Variants in FGFRL1 observed in about 807,000 individuals in gnomAD.
FGFRL1 encodes fibroblast growth factor receptor like 1.
Under a neutral mutation model 36.8 loss-of-function variants are expected in FGFRL1, and 24 were observed. The observed-to-expected ratio is 0.65, with a 90% CI of 0.47 to 0.92. The LOEUF is 0.92. Among genes scored for constraint, FGFRL1 ranks in the 40% least tolerant of loss-of-function variants. The pLI, the probability that FGFRL1 is intolerant of heterozygous loss-of-function variation, is 0.00. For missense variants in FGFRL1, 785 were observed against 753.4 expected (o/e 1.04, Z -0.49); for synonymous variants, 422 against 344.1 (o/e 1.23, Z -2.50).
At position 1,025,863 on chromosome 4, in the gene FGFRL1, C is replaced by G. The variant is rs1468234896; in HGVS notation, c.*516C>G. On this transcript the variant is annotated 3_prime_UTR_variant, in exon 7 of 7. Coordinates refer to ENST00000510644, the MANE Select transcript of FGFRL1 (RefSeq NM_001004356.3). ...TGACACACACATGCACGGATATTGC[C>G]TGGACACACACACACACACGTGTGC... 1 of 174,768 alleles carries G rather than the reference C, an allele frequency of 5.7e-6. No homozygotes were observed. Among genetic ancestry groups the G allele is most frequent in the African/African-American group, 2.5e-5 (1 of 40,808 alleles). The allele number at this position is 174,768 out of a possible 1,614,324, so 10.8% of individuals were successfully genotyped here. A position where few individuals can be genotyped will look rare whatever the true frequency, so the allele number is the denominator to read the frequency against.
chr4:1,018,572 G>A (rs545551797), intron 2 of FGFRL1, among the ~76,000 whole-genome samples: 34 of 152,324 alleles, frequency 2.2e-4, no homozygotes, highest in African/African-American at 7.2e-4. Context: ...TGGAGGAGGA[G>A]GCTGGGGGGT....
In FGFRL1 at chr4:1,024,158, CGGGCGGGGGTGCTGGT is replaced by C. The variant is rs1256666580; in HGVS notation, c.718+67_718+82del. 26 of 311,250 alleles carry C rather than the reference CGGGCGGGGGTGCTGGT, an allele frequency of 8.4e-5. 1 individual carries two copies. In the Middle Eastern group the frequency reaches 3.3e-3, roughly 39 times the overall value. 19.3% of individuals were successfully genotyped at this position (311,250 alleles called of 1,614,324 possible). On this transcript the variant is annotated intron_variant, in intron 5 of 6. Transcript: ENST00000510644. Reference sequence around the variant, plus strand: ...GGGTGCTGGTGGGCGGGGGCGCTGGCGGGCGGGGGTGCTGGTGGGCGGGGGCGCTGGTGGGCGGGGG... The same window carrying C: ...GGGTGCTGGTGGGCGGGGGCGCTGGCGGGCGGGGGCGCTGGTGGGCGGGGG...
chr4:1,022,595 T>G (rs865793797), intron 3 of FGFRL1, 120 bp downstream of exon 3: 3 of 1,293,082 alleles, frequency 2.3e-6, no homozygotes, highest in African/African-American at 3.0e-5. Context: ...CAGAAAGCCT[T>G]CCTTCGGTGC....
chr4:1,023,934 G>T lies in FGFRL1; in HGVS notation c.551G>T (p.Trp184Leu). 6.3e-7 allele frequency: 1 copy of T among 1,587,082 alleles called. No homozygotes were observed. ...ASGHPRPDIT[W>L]MKDDQALTRP... ...GGGCACCCTCGGCCCGACATCACGT[G>T]GATGAAGGACGACCAGGCCTTGACG... Residue 184 changes from tryptophan to leucine, a missense_variant, in exon 5 of 7, where the codon TGG becomes TTG. Physicochemically the swap from Trp to Leu is moderately conservative, Grantham distance 61. Coordinates refer to ENST00000510644, the MANE Select transcript of FGFRL1 (RefSeq NM_001004356.3). The surrounding 1 kb of genome is among the most constrained non-coding windows in gnomAD (Gnocchi z 6.0).
rs1423189940 is a variant in FGFRL1 at position 1,026,756 on chromosome 4, C to T, written c.*1409C>T. On this transcript the variant is annotated 3_prime_UTR_variant, in exon 7 of 7. Transcript: ENST00000510644. ...CCTGGTCTTTCAGCCATGCTGATGA[C>T]CACACCCCGTCCAGGCCAGACACCA... 3 of 440,236 alleles carry T rather than the reference C, an allele frequency of 6.8e-6. No individual in the cohort carries two copies. Among genetic ancestry groups the T allele is most frequent in the South Asian group, 4.9e-5 (3 of 61,684 alleles). The allele number at this position is 440,236 out of a possible 1,614,324, so 27.3% of individuals were successfully genotyped here. A position where few individuals can be genotyped will look rare whatever the true frequency, so the allele number is the denominator to read the frequency against.
intron 2 of FGFRL1, among the ~76,000 whole-genome samples, chr4:1,020,368 G>C (rs1716106006): frequency 1.3e-5 from 2 of 152,070 alleles, no homozygotes; most frequent in Non-Finnish European, 2.9e-5. Flanking sequence ...AGAGCAGTGA[G>C]TGGGCTGTGG....
At position 1,025,128 on chromosome 4, in the gene FGFRL1, T is replaced by G; in HGVS notation, c.1296T>G (p.Leu432=). 1 of 1,611,384 alleles carries G rather than the reference T, an allele frequency of 6.2e-7. No homozygotes were observed. ...TARDRSGDKD[L]PSLAALSAGP... ...GCGACCGCAGCGGAGACAAGGACCT[T>G]CCCTCGTTGGCCGCCCTCAGCGCTG... Residue 432 remains leucine (L), a synonymous_variant, in exon 7 of 7, where the codon CTT becomes CTG. Transcript: ENST00000510644.
intron 5 of FGFRL1, 51 bp from the exon 6 acceptor site, chr4:1,024,260 G>T (rs771912282): frequency 1.3e-6 from 2 of 1,531,700 alleles, no homozygotes; most frequent in East Asian, 2.3e-5. Flanking sequence ...TGCTGGCGGG[G>T]TAGAGTCCGG....
chr4:1,013,280 C>T (rs968802235), intron 2 of FGFRL1, among the ~76,000 whole-genome samples: 4 of 152,266 alleles, frequency 2.6e-5, no homozygotes, highest in South Asian at 2.1e-4. Context: ...TGCCCGCAGA[C>T]TCATGCCCGC....
chr4:1,022,496 G>T, intron 3 of FGFRL1, 21 bp downstream of exon 3: 1 of 1,571,024 alleles, frequency 6.4e-7, no homozygotes. Flanking sequence ...GCTGCGGTCA[G>T]AGGTCATGGG....
chr4:1,023,707 C>T lies in FGFRL1; in HGVS notation c.419C>T (p.Ala140Val). ...TCCTCTGGGGGTCAAGAGGACCCCG[C>T]CAGCCAGCAGTGGGGTGAGCAGGGG... ...DSSSGGQEDP[A>V]SQQWARPRFT... Residue 140 changes from alanine to valine, a missense_variant, in exon 4 of 7, where the codon GCC (alanine) becomes GTC (valine). Coordinates refer to ENST00000510644, the MANE Select transcript of FGFRL1 (RefSeq NM_001004356.3). This position sits in a 1 kb window ranked among gnomAD's most constrained non-coding sequence, Gnocchi z 6.0. The T allele has an allele frequency of 1.3e-6, 2 of 1,588,994 alleles. No individual in the cohort carries two copies. Among genetic ancestry groups the T allele is most frequent in the Non-Finnish European group, 1.7e-6 (2 of 1,169,848 alleles).
At chr4:1,022,169 C>T (rs1290801562) in intron 2 of FGFRL1, 34 bp from the exon 3 acceptor site, 4 of 1,482,264 alleles carry the variant, frequency 2.7e-6, no homozygotes, top group Non-Finnish European at 3.6e-6. Context: ...CCCCAAGCCC[C>T]TCCTCGCTGA....
At chr4:1,017,241 C>T (rs558242484) in intron 2 of FGFRL1, among the ~76,000 whole-genome samples, 123 of 152,062 alleles carry the variant, frequency 8.1e-4, no homozygotes, top group African/African-American at 2.9e-3. Context: ...CCATGCAGGG[C>T]CCCCCAGTTC....
intron 2 of FGFRL1, among the ~76,000 whole-genome samples, chr4:1,020,940 T>A (rs865911526): frequency 1.1e-4 from 1 of 9,148 alleles, no homozygotes; most frequent in African/African-American, 5.4e-4. Context: ...AGGCAGGGGA[T>A]GGGGCGGGGT....
intron 5 of FGFRL1, 103 bp downstream of exon 5, chr4:1,024,204 G>A: frequency 7.9e-7 from 1 of 1,257,946 alleles, no homozygotes; most frequent in Non-Finnish European, 1.0e-6. Context: ...CGGGGGCACT[G>A]GCAGGGCTTG....
chr4:1,022,578 C>T (rs377373675), intron 3 of FGFRL1, 103 bp downstream of exon 3: 38 of 1,406,812 alleles, frequency 2.7e-5, no homozygotes, highest in Admixed American at 1.8e-4. Flanking sequence ...AGTCAGCCAG[C>T]CCCCGGCAGA....
Position 1,025,610 on chromosome 4 carries a change from G to T in FGFRL1, c.*263G>T. 1.8e-6 allele frequency: 1 copy of T among 557,802 alleles called. No homozygotes were observed. The allele number at this position is 557,802 out of a possible 1,614,324, so 34.6% of individuals were successfully genotyped here. A position where few individuals can be genotyped will look rare whatever the true frequency, so the allele number is the denominator to read the frequency against. ...ACACACGCACATGCACAGATATGCC[G>T]CCTGGGCACACAGATAAGCTGCCCA... is the stretch of plus-strand genomic sequence containing the variant. On this transcript the variant is annotated 3_prime_UTR_variant, in exon 7 of 7. Transcript: ENST00000510644.
rs753416769 is a variant in FGFRL1 at position 1,022,300 on chromosome 4, G to A, written c.177G>A (p.Pro59=). ...GCCCAGTGGAGGGGGACCCGCCGCC[G>A]CTGACCATGTGGACCAAGGATGGCC... ...LQCPVEGDPP[P]LTMWTKDGRT... is the part of the protein sequence containing the mutation. Residue 59 remains proline, a synonymous_variant, in exon 3 of 7, where the codon CCG becomes CCA. Coordinates refer to ENST00000510644, the MANE Select transcript of FGFRL1 (RefSeq NM_001004356.3). 10 of 1,594,150 alleles carry A rather than the reference G, an allele frequency of 6.3e-6. No homozygotes were observed. Among genetic ancestry groups the A allele is most frequent in the South Asian group, 1.1e-5 (1 of 88,882 alleles).
In FGFRL1 at chr4:1,025,264, ATC is replaced by A. The variant is rs758856602; in HGVS notation, c.1433_1434del (p.Ile478ThrfsTer73). ...GTTGTACCCCAAACTCTACACAGAC[ATC>A]CACACACACACACACACACACTCTC... is the stretch of plus-strand genomic sequence containing the variant. The part of the protein sequence containing the change: ...PKLYPKLYTD[I>X]HTHTHTHSHT... On this transcript the variant is annotated frameshift_variant, in exon 7 of 7. Transcript: ENST00000510644. LOFTEE classifies it high-confidence loss of function. 6.3e-7 allele frequency: 1 copy of A among 1,599,468 alleles called. No homozygotes were observed. Among genetic ancestry groups the A allele is most frequent in the Non-Finnish European group, 8.5e-7 (1 of 1,173,214 alleles).
Sources: allele counts gnomAD v4.1 joint callset (sites outside exome capture counted in the v4.1 genomes callset), GRCh38; gene constraint gnomAD v4.1.1; non-coding constraint Gnocchi (gnomAD v3.1); transcripts MANE v1.5; gene names NCBI Gene and HGNC (gene_info 2026-07-23, HGNC 2026-07-21).